PRIM2: variants seen among roughly 807,000 people sequenced by gnomAD.
PRIM2 encodes the protein DNA primase large subunit.
A neutral mutation model predicts 67.3 loss-of-function variants in PRIM2; 39 were observed. The observed-to-expected ratio is 0.58, with a 90% CI of 0.45 to 0.76. The LOEUF (loss-of-function observed/expected upper bound fraction) is 0.76, where lower values mean the gene tolerates loss of function less well. PRIM2 is among the 30% of genes least tolerant of loss of function. The pLI is 0.00. For synonymous variants in PRIM2, 143 were observed against 198.7 expected (o/e 0.72, Z 2.36); for missense variants, 398 against 598.7 (o/e 0.66, Z 3.50).
chr6:57,533,354 T>G (rs1291270525), intron 9 of PRIM2, among the ~76,000 whole-genome samples: 1 of 152,118 alleles, frequency 6.6e-6, no homozygotes, highest in Non-Finnish European at 1.5e-5. Context: ...TTATTCACAA[T>G]AAATTAAAAA....
intron 7 of PRIM2, among the ~76,000 whole-genome samples, chr6:57,500,311 A>G (rs1161167086): frequency 6.6e-6 from 1 of 152,188 alleles, no homozygotes; most frequent in Non-Finnish European, 1.5e-5. Context: ...CTGCTAGAAA[A>G]TAAGTCAGTT....
intron 7 of PRIM2, among the ~76,000 whole-genome samples, chr6:57,456,758 T>C (rs1772800805): frequency 6.6e-6 from 1 of 152,156 alleles, no homozygotes; most frequent in Non-Finnish European, 1.5e-5. Flanking sequence ...TTGGAGTAGT[T>C]TGATCATCTG....
chr6:57,420,882 T>A (rs1771439919), intron 7 of PRIM2, among the ~76,000 whole-genome samples: 1 of 152,222 alleles, frequency 6.6e-6, no homozygotes, highest in Non-Finnish European at 1.5e-5. Context: ...ATCTGGCATG[T>A]AATTGGAAAT....
At chr6:57,514,878 T>C (rs1339472939) in intron 8 of PRIM2, among the ~76,000 whole-genome samples, 2 of 152,030 alleles carry the variant, frequency 1.3e-5, no homozygotes, top group Admixed American at 6.6e-5. Context: ...CCCACACACA[T>C]ACCCAAAGCT....
Position 57,627,279 on chromosome 6 carries a change from C to CAAAAAAAAA in PRIM2, c.1231-4833_1231-4825dup, listed in dbSNP as rs1158722297. Among the ~76,000 whole-genome samples the CAAAAAAAAA allele has an allele frequency of 5.1e-3, 126 of 24,530 alleles. 13 individuals carry two copies. The highest frequency in any genetic ancestry group is 0.013 in the African/African-American group (109 of 8,672). The allele number at this position is 24,530 out of a possible 152,430, so 16.1% of individuals were successfully genotyped here. A position where few individuals can be genotyped will look rare whatever the true frequency, so the allele number is the denominator to read the frequency against. On this transcript the variant is annotated intron_variant, in intron 12 of 13. Transcript: ENST00000615550. The stretch of plus-strand genomic sequence containing the variant: ...TGGGTGACAGAGTGAGACTCTGTCT[C>CAAAAAAAAA]AAAAAAAAAAAAAAAAAAAAAAAAA...
chr6:57,250,975 G>GA, the PRIM2 span, among the ~76,000 whole-genome samples: 5 of 151,994 alleles, frequency 3.3e-5, no homozygotes, highest in East Asian at 9.7e-4. Flanking sequence ...TCCAAAATCT[G>GA]AAAAAAATCA....
the PRIM2 span, among the ~76,000 whole-genome samples, chr6:57,304,793 C>T: frequency 2.6e-5 from 4 of 152,106 alleles, no homozygotes; most frequent in African/African-American, 4.8e-5. Flanking sequence ...AGGGTGGAGT[C>T]CCAAGTACAT....
chr6:57,360,782 A>G (rs1490047428), intron 5 of PRIM2, among the ~76,000 whole-genome samples: 1 of 152,220 alleles, frequency 6.6e-6, no homozygotes, highest in East Asian at 1.9e-4. Flanking sequence ...ATTTCTCTCT[A>G]CAAAATAGAA....
intron 7 of PRIM2, among the ~76,000 whole-genome samples, chr6:57,481,997 C>T (rs1382487218): frequency 6.6e-6 from 1 of 152,036 alleles, no homozygotes; most frequent in Non-Finnish European, 1.5e-5. Flanking sequence ...TTGGGAACTT[C>T]AGAAGGCTTC....
rs1776457586 is a variant in PRIM2 at position 57,601,201 on chromosome 6, A to C, written c.1129A>C (p.Ser377Arg). 2 of 1,608,458 alleles carry C rather than the reference A, an allele frequency of 1.2e-6. No homozygotes were observed. The highest frequency in any genetic ancestry group is 1.7e-6 in the Non-Finnish European group (2 of 1,177,824). Residue 377 changes from serine to arginine, a missense_variant, in exon 11 of 14, where the codon AGC becomes CGC. Transcript: ENST00000615550. ...GAAGATTATTCTGTCCAATCCACCA[A>C]GCCAAGGGGATTATCATGGTAAGTG... Reference protein sequence around the residue: ...CLKIILSNPPSQGDYHGCPFR... With the variant: ...CLKIILSNPPRQGDYHGCPFR...
intron 10 of PRIM2, among the ~76,000 whole-genome samples, chr6:57,548,324 G>C (rs1775330559): frequency 6.6e-6 from 1 of 152,128 alleles, no homozygotes; most frequent in Non-Finnish European, 1.5e-5. Flanking sequence ...ACAAGAAAAT[G>C]GAGGCGATGG....
At chr6:57,337,561 C>G (rs1768299813) in intron 5 of PRIM2, among the ~76,000 whole-genome samples, 1 of 152,052 alleles carries the variant, frequency 6.6e-6, no homozygotes, top group Non-Finnish European at 1.5e-5. Flanking sequence ...GAATCTCACT[C>G]AAAACCACTC....
chr6:57,381,894 A>T, intron 6 of PRIM2, 137 bp from the exon 7 acceptor site: 1 of 890,352 alleles, frequency 1.1e-6, no homozygotes, highest in East Asian at 2.8e-5. Flanking sequence ...TTTAAGGAGG[A>T]TAAATTAATC....
chr6:57,508,414 T>C (rs1774294432), intron 8 of PRIM2, among the ~76,000 whole-genome samples: 1 of 152,222 alleles, frequency 6.6e-6, no homozygotes, highest in Non-Finnish European at 1.5e-5. Context: ...ATATCTGTAC[T>C]ATAGCATATT....
intron 7 of PRIM2, among the ~76,000 whole-genome samples, chr6:57,465,952 C>G (rs556478606): frequency 4.3e-4 from 66 of 152,004 alleles, no homozygotes; most frequent in South Asian, 8.3e-4. Flanking sequence ...GGTTTTTCTT[C>G]TAATGCTATC....
At chr6:57,433,424 G>A (rs1771899649) in intron 7 of PRIM2, among the ~76,000 whole-genome samples, 1 of 130,880 alleles carries the variant, frequency 7.6e-6, no homozygotes, top group African/African-American at 3.0e-5. Flanking sequence ...AGAGTGTGAT[G>A]TTCCCCTTCC....
intron 10 of PRIM2, among the ~76,000 whole-genome samples, chr6:57,564,833 G>A (rs1298779852): frequency 6.6e-6 from 1 of 152,180 alleles, no homozygotes; most frequent in African/African-American, 2.4e-5. Context: ...GGGCCAGATA[G>A]TAAATAAATT....
Position 57,402,459 on chromosome 6 carries a change from C to A in PRIM2, c.693+20291C>A, listed in dbSNP as rs569312661. Among the ~76,000 whole-genome samples, 731 of 152,222 alleles carry A rather than the reference C, an allele frequency of 4.8e-3. 6 individuals carry two copies. The highest frequency in any genetic ancestry group is 0.017 in the African/African-American group (704 of 41,530). On this transcript the variant is annotated intron_variant, in intron 7 of 13. Transcript: ENST00000615550. ...AAGATGTCCATAAAGGACTCAATGA[C>A]AAGGTGAAAGAGAGGAGTAGCCTGA...
chr6:57,446,418 C>CTTTTTTTT (rs397958660), intron 7 of PRIM2, among the ~76,000 whole-genome samples: 932 of 83,754 alleles, frequency 0.011, 140 homozygotes, highest in African/African-American at 0.036. Context: ...CACGCCACTT[C>CTTTTTTTT]TTTTTTTTTT....
Sources: allele counts gnomAD v4.1 joint callset (sites outside exome capture counted in the v4.1 genomes callset), GRCh38; gene constraint gnomAD v4.1.1; transcripts MANE v1.5; gene names NCBI Gene and HGNC (gene_info 2026-07-23, HGNC 2026-07-21).